Variants in ADGRL2 observed in about 807,000 individuals in gnomAD.
The protein encoded by ADGRL2 is calcium-independent alpha-latrotoxin receptor 2.
ADGRL2 carries 44 observed loss-of-function variants against 157.4 expected under a neutral mutation model. The ratio of observed to expected loss-of-function variants is 0.28; its 90% CI spans 0.22 to 0.36. ADGRL2 has a LOEUF of 0.36. Ranked by LOEUF, ADGRL2 falls within the 10% of genes least tolerant of loss-of-function variation. The probability of loss-of-function intolerance (pLI) is 1.00; values close to 1 mark genes in which losing one functional copy is unlikely to be tolerated. For synonymous variants in ADGRL2, 585 were observed against 624.7 expected, an observed-to-expected ratio of 0.94 and a Z score of 0.95; for missense variants, 1,510 against 1,768.9, an observed-to-expected ratio of 0.85 and a Z score of 2.63.
intron 2 of ADGRL2, among the ~76,000 whole-genome samples, chr1:81,552,455 C>A (rs1557453037): frequency 6.6e-6 from 1 of 152,088 alleles, no homozygotes; most frequent in African/African-American, 2.4e-5. Flanking sequence ...GGGAAAGCTG[C>A]AGCCACTCAA....
intron 1 of ADGRL2, among the ~76,000 whole-genome samples, chr1:81,333,514 C>T (rs1233879018): frequency 6.6e-6 from 1 of 152,122 alleles, no homozygotes; most frequent in African/African-American, 2.4e-5. Context: ...CCTCCAAGTT[C>T]AAGTGATTCT....
chr1:81,572,183 C>T (rs2080709170), intron 2 of ADGRL2, among the ~76,000 whole-genome samples: 1 of 152,132 alleles, frequency 6.6e-6, no homozygotes, highest in Admixed American at 6.6e-5. Flanking sequence ...AAGATAAGTT[C>T]CATTTAGTCA....
At chr1:81,822,477 A>G (rs1050371639) in intron 1 of ADGRL2, among the ~76,000 whole-genome samples, 1 of 151,656 alleles carries the variant, frequency 6.6e-6, no homozygotes, top group Non-Finnish European at 1.5e-5. Flanking sequence ...ACATTTATAT[A>G]ATCCCTGGGT....
At chr1:81,637,157 G>T (rs1466845118) in intron 3 of ADGRL2, among the ~76,000 whole-genome samples, 1 of 152,154 alleles carries the variant, frequency 6.6e-6, no homozygotes, top group Non-Finnish European at 1.5e-5. Flanking sequence ...TGTTTTTCAA[G>T]TTGGGAAGCA....
chr1:81,907,313 A>C, intron 3 of ADGRL2, 83 bp downstream of exon 3: 1 of 1,138,674 alleles, frequency 8.8e-7, no homozygotes, highest in Admixed American at 1.7e-5. Flanking sequence ...AAGCGAATGG[A>C]TATAGACCAC....
At chr1:81,890,067 G>A (rs946915743) in intron 2 of ADGRL2, among the ~76,000 whole-genome samples, 4 of 152,058 alleles carry the variant, frequency 2.6e-5, no homozygotes, top group Non-Finnish European at 1.5e-5. Context: ...TAATTTATAC[G>A]AGCACTAACT....
chr1:81,394,962 G>A (rs2076628910), intron 1 of ADGRL2, among the ~76,000 whole-genome samples: 1 of 151,600 alleles, frequency 6.6e-6, no homozygotes, highest in Non-Finnish European at 1.5e-5. Context: ...GCAGTGTCAC[G>A]ATCTCAGCTC....
intron 2 of ADGRL2, among the ~76,000 whole-genome samples, chr1:81,872,464 G>T (rs2093723522): frequency 6.6e-6 from 1 of 152,114 alleles, no homozygotes; most frequent in Non-Finnish European, 1.5e-5. Context: ...GCTGGAAGAT[G>T]AAAAATAAAA....
At chr1:81,436,824 T>C (rs1213528595) in intron 1 of ADGRL2, among the ~76,000 whole-genome samples, 1 of 152,238 alleles carries the variant, frequency 6.6e-6, no homozygotes, top group African/African-American at 2.4e-5. Context: ...TATATAGGGC[T>C]TCATCTCTTA....
chr1:81,905,970 G>GTGTC (rs1449964347), intron 2 of ADGRL2, among the ~76,000 whole-genome samples: 1 of 151,760 alleles, frequency 6.6e-6, no homozygotes, highest in Non-Finnish European at 1.5e-5. Context: ...GTGTGTGTGT[G>GTGTC]TGTGTGTGTG....
chr1:81,319,818 G>A (rs1209171685), intron 1 of ADGRL2, among the ~76,000 whole-genome samples: 1 of 152,108 alleles, frequency 6.6e-6, no homozygotes. Context: ...GCTGGTGCAG[G>A]GTCTTGCCTC....
chr1:81,612,177 A>G (rs1178362389), intron 3 of ADGRL2, among the ~76,000 whole-genome samples: 1 of 152,166 alleles, frequency 6.6e-6, no homozygotes, highest in Non-Finnish European at 1.5e-5. Context: ...ATATTTATCA[A>G]ATACTCCCCT....
At chr1:81,882,263 G>C (rs889845792) in intron 2 of ADGRL2, among the ~76,000 whole-genome samples, 1 of 152,080 alleles carries the variant, frequency 6.6e-6, no homozygotes. Context: ...GTAACTAAGA[G>C]ATATGCTTTC....
chr1:81,706,796 A>G (rs1315977540), intron 1 of ADGRL2, among the ~76,000 whole-genome samples: 2 of 152,176 alleles, frequency 1.3e-5, no homozygotes, highest in African/African-American at 4.8e-5. Flanking sequence ...GGAGACACAG[A>G]CAAGGAAGAT....
Position 81,568,923 on chromosome 1 carries a change from A to G in ADGRL2, c.-247-11953A>G, listed in dbSNP as rs189464970. On this transcript the variant is annotated intron_variant, in intron 2 of 24. Coordinates refer to the ADGRL2 transcript ENST00000370721. The stretch of plus-strand genomic sequence containing the variant: ...GTTATGTAGCAATAATACAGATCTT[A>G]TTTTTAGGTAGACTGACAATAGCTT... Among the ~76,000 whole-genome samples, 258 of 152,234 alleles carry G rather than the reference A, an allele frequency of 1.7e-3. 2 individuals carry two copies. The highest frequency in any genetic ancestry group is 5.8e-3 in the African/African-American group (239 of 41,558).
chr1:81,505,915 G>A (rs1021898539), intron 2 of ADGRL2: 4 of 311,382 alleles, frequency 1.3e-5, no homozygotes, highest in Admixed American at 4.2e-5. Flanking sequence ...AAAGCACCAC[G>A]CTGTGCAAAA....
intron 2 of ADGRL2, among the ~76,000 whole-genome samples, chr1:81,447,256 A>G (rs2077615421): frequency 6.6e-6 from 1 of 152,150 alleles, no homozygotes; most frequent in Non-Finnish European, 1.5e-5. Context: ...TAATTCAGTA[A>G]ACATAGTAGA....
chr1:81,745,729 A>G (rs2085224013), intron 1 of ADGRL2, among the ~76,000 whole-genome samples: 1 of 152,166 alleles, frequency 6.6e-6, no homozygotes. Flanking sequence ...ACCCTGCAAT[A>G]TAATGCTTTG....
chr1:81,550,107 A>C (rs2080110038), intron 2 of ADGRL2, among the ~76,000 whole-genome samples: 1 of 152,206 alleles, frequency 6.6e-6, no homozygotes, highest in Admixed American at 6.5e-5. Flanking sequence ...GAGGTAAATT[A>C]AGGGGAAAAT....
Sources: gnomAD v4.1 joint callset for allele counts (sites outside exome capture counted in the v4.1 genomes callset) on GRCh38, gnomAD v4.1.1 for gene constraint, MANE v1.5 for transcripts, NCBI Gene and HGNC (gene_info 2026-07-23, HGNC 2026-07-21) for gene names.